ADGRL4: variants seen among roughly 807,000 people sequenced by gnomAD.
ADGRL4 encodes adhesion G protein-coupled receptor L4, also known as EGF, latrophilin and seven transmembrane domain containing 1.
Under a neutral mutation model 74.8 loss-of-function variants are expected in ADGRL4, and 90 were observed. That is an observed-to-expected ratio of 1.20 (90% CI 1.02 to 1.43). The LOEUF is 1.43. Ranked by LOEUF, ADGRL4 falls within the 40% of genes most tolerant of loss-of-function variation. The pLI is 0.00. For missense variants in ADGRL4, 881 were observed against 814.3 expected (o/e 1.08, Z -1.00); for synonymous variants, 311 against 279.2 (o/e 1.11, Z -1.14).
At chr1:78,915,500 T>C (rs543934474) in intron 12 of ADGRL4, among the ~76,000 whole-genome samples, 1 of 151,882 alleles carries the variant, frequency 6.6e-6, no homozygotes, top group Non-Finnish European at 1.5e-5. Flanking sequence ...ACACCATCAT[T>C]TTTTCTTATT....
chr1:78,892,778 C>G (rs913364221), intron 13 of ADGRL4, among the ~76,000 whole-genome samples: 1 of 151,810 alleles, frequency 6.6e-6, no homozygotes, highest in Non-Finnish European at 1.5e-5. Context: ...CTAGGGATAA[C>G]AAGAAAGAAA....
chr1:78,897,882 TTC>T (rs1313304525), intron 12 of ADGRL4, among the ~76,000 whole-genome samples: 1 of 152,146 alleles, frequency 6.6e-6, no homozygotes, highest in Admixed American at 6.6e-5. Flanking sequence ...CGTTTATATT[TTC>T]TGTGTCCTCT....
intron 2 of ADGRL4, among the ~76,000 whole-genome samples, chr1:78,991,693 A>C (rs1037549298): frequency 6.6e-5 from 10 of 151,992 alleles, no homozygotes; most frequent in Admixed American, 2.6e-4. Context: ...ATAAATTGAA[A>C]GACTTCACCT....
chr1:79,001,175 A>T, intron 2 of ADGRL4, among the ~76,000 whole-genome samples: 2 of 16,092 alleles, frequency 1.2e-4, no homozygotes, highest in African/African-American at 4.8e-4. Flanking sequence ...AGGAAGGGAG[A>T]GGGGGGGGAG....
At chr1:78,962,156 C>T (rs1351450089) in intron 2 of ADGRL4, among the ~76,000 whole-genome samples, 1 of 152,182 alleles carries the variant, frequency 6.6e-6, no homozygotes, top group Non-Finnish European at 1.5e-5. Flanking sequence ...AATGGGATTA[C>T]AGGCATGAGC....
chr1:78,973,784 A>G (rs1177804121), intron 2 of ADGRL4, among the ~76,000 whole-genome samples: 2 of 151,636 alleles, frequency 1.3e-5, no homozygotes, highest in Non-Finnish European at 2.9e-5. Flanking sequence ...CACTGGTGCT[A>G]AAGTGGTTTT....
intron 2 of ADGRL4, among the ~76,000 whole-genome samples, chr1:78,954,806 A>G (rs11162581): frequency 0.06 from 9,178 of 152,210 alleles, 298 homozygotes; most frequent in South Asian, 0.099. Context: ...AACAAATTAC[A>G]TGACATTCAA....
At position 78,999,953 on chromosome 1, in the gene ADGRL4, A is replaced by T. The variant is rs938544321; in HGVS notation, c.172+5117T>A. Reference sequence around the variant, plus strand: ...ATCAACATTGAAATAATGTCAACCCAGAAGGCATTTTTTTGTGCATAAGTA... The same window carrying T: ...ATCAACATTGAAATAATGTCAACCCTGAAGGCATTTTTTTGTGCATAAGTA... On this transcript the variant is annotated intron_variant, in intron 2 of 14. Transcript: ENST00000370742. Among the ~76,000 whole-genome samples, 51 of 122,792 alleles carry T rather than the reference A, an allele frequency of 4.2e-4. 1 individual carries two copies. Among genetic ancestry groups the T allele is most frequent in the African/African-American group, 1.5e-3 (48 of 32,354 alleles). The allele number at this position is 122,792 out of a possible 152,430, so 80.6% of individuals were successfully genotyped here.
intron 2 of ADGRL4, among the ~76,000 whole-genome samples, chr1:78,953,541 ATT>A (rs1649771637): frequency 1.3e-5 from 2 of 152,176 alleles, no homozygotes; most frequent in African/African-American, 4.8e-5. Context: ...TGTCTTTATA[ATT>A]TTCTAACCTG....
intron 8 of ADGRL4, among the ~76,000 whole-genome samples, chr1:78,923,870 C>T (rs992543556): frequency 6.6e-6 from 1 of 151,594 alleles, no homozygotes; most frequent in Non-Finnish European, 1.5e-5. Flanking sequence ...CTAAGAGGAA[C>T]AGAAAAAGAG....
intron 2 of ADGRL4, among the ~76,000 whole-genome samples, chr1:78,947,900 T>C (rs748602924): frequency 2.0e-5 from 3 of 152,176 alleles, no homozygotes; most frequent in Non-Finnish European, 4.4e-5. Context: ...TTGTGTAGCA[T>C]TTAATTCATA....
chr1:78,920,367 A>G lies in ADGRL4; in HGVS notation c.1277T>C (p.Ile426Thr), dbSNP rs1391668899. The change falls in exon 10 of 15, where the codon ATT becomes ACT. Residue 426 changes from isoleucine to threonine, a missense_variant. Physicochemically the swap from Ile to Thr is moderately conservative, Grantham distance 89 (BLOSUM62 -1). Coordinates refer to ENST00000370742, the MANE Select transcript of ADGRL4 (RefSeq NM_022159.4). ...GPSIGIKDYN[I>T]LTRITQLGII... ...TCCTAGTTGAGTGATCCTTGTAAGA[A>G]TATTATAATCTTTAATACCCTAAGG... is the stretch of plus-strand genomic sequence containing the variant. 3 of 1,591,028 alleles carry G rather than the reference A, an allele frequency of 1.9e-6. No homozygotes were observed. Among genetic ancestry groups the G allele is most frequent in the Non-Finnish European group, 2.6e-6 (3 of 1,161,224 alleles).
At chr1:78,999,825 T>G (rs1347806500) in intron 2 of ADGRL4, among the ~76,000 whole-genome samples, 1 of 150,224 alleles carries the variant, frequency 6.7e-6, no homozygotes, top group Non-Finnish European at 1.5e-5. Context: ...TCTATCTATC[T>G]ATCTATCTAT....
chr1:78,907,896 G>A (rs991823337), intron 12 of ADGRL4, among the ~76,000 whole-genome samples: 2 of 151,846 alleles, frequency 1.3e-5, no homozygotes, highest in Non-Finnish European at 2.9e-5. Flanking sequence ...GCCTGGGCTG[G>A]TTGTCATTTT....
rs142486927 is a variant in ADGRL4 at position 78,914,030 on chromosome 1, G to A, written c.1749+3604C>T. On this transcript the variant is annotated intron_variant, in intron 12 of 14. Transcript: ENST00000370742. ...GAATAATGGTGATTCTTCAGTTGAT[G>A]TCTGGTATTGCCTGGTTTACAATGC... Among the ~76,000 whole-genome samples the A allele has an allele frequency of 8.5e-3, 1,294 of 151,926 alleles. 12 individuals are homozygous for A. Among genetic ancestry groups the A allele is most frequent in the African/African-American group, 0.029 (1,221 of 41,480 alleles).
At chr1:78,929,291 G>A (rs2100679680) in intron 7 of ADGRL4, among the ~76,000 whole-genome samples, 1 of 151,330 alleles carries the variant, frequency 6.6e-6, no homozygotes, top group Admixed American at 6.6e-5. Context: ...TGAGGTGGGA[G>A]GATCACTTGA....
intron 7 of ADGRL4, among the ~76,000 whole-genome samples, chr1:78,928,916 C>T (rs1649176774): frequency 6.6e-6 from 1 of 151,400 alleles, no homozygotes; most frequent in Non-Finnish European, 1.5e-5. Context: ...ATTCCCATAT[C>T]AATTTTACCC....
Position 78,997,999 on chromosome 1 carries a change from T to C in ADGRL4, c.172+7071A>G, listed in dbSNP as rs185512937. 2.2e-3 allele frequency among the ~76,000 whole-genome samples: 331 copies of C among 152,318 alleles called. 2 individuals are homozygous for C. Among genetic ancestry groups the C allele is most frequent in the African/African-American group, 7.7e-3 (322 of 41,570 alleles). On this transcript the variant is annotated intron_variant, in intron 2 of 14. Transcript: ENST00000370742. The stretch of plus-strand genomic sequence containing the variant: ...TTCTTTGAGAGTATTTTCTTGACTT[T>C]ATCTGGAGACAAACAACGAGGAATA...
chr1:78,929,717 C>A (rs541694766), intron 7 of ADGRL4, among the ~76,000 whole-genome samples: 2 of 151,524 alleles, frequency 1.3e-5, no homozygotes, highest in South Asian at 4.1e-4. Context: ...TTGAGAAAAA[C>A]ACATTTTCTT....
Sources: allele counts gnomAD v4.1 joint callset (sites outside exome capture counted in the v4.1 genomes callset), GRCh38; gene constraint gnomAD v4.1.1; transcripts MANE v1.5; gene names NCBI Gene and HGNC (gene_info 2026-07-23, HGNC 2026-07-21).